DENND2B: variants seen among roughly 807,000 people sequenced by gnomAD.
The protein encoded by DENND2B is DENN domain-containing protein 2B.
DENND2B carries 32 observed loss-of-function variants against 116.0 expected under a neutral mutation model. That is an observed-to-expected ratio of 0.28 (90% CI 0.21 to 0.37). DENND2B has a LOEUF of 0.37. DENND2B is among the 10% of genes least tolerant of loss of function. DENND2B has a pLI of 1.00. For missense variants in DENND2B, 1,276 were observed against 1,477.7 expected (o/e 0.86, Z 2.24); for synonymous variants, 588 against 583.9 (o/e 1.01, Z -0.10).
intron 17 of DENND2B, 104 bp from the exon 18 acceptor site, chr11:8,696,770 G>C: frequency 6.6e-7 from 1 of 1,505,318 alleles, no homozygotes; most frequent in South Asian, 1.3e-5. Flanking sequence ...CTTCCAGCCA[G>C]TACCACTCTT....
chr11:8,854,016 ATTTTTTTTTTTTTT>A (rs71059187), intron 3 of DENND2B, among the ~76,000 whole-genome samples: 46 of 62,778 alleles, frequency 7.3e-4, no homozygotes, highest in Admixed American at 4.3e-3. Context: ...GCCCCAGTTA[ATTTTTTTTTTTTTT>A]TTTTTTTTTT....
intron 11 of DENND2B, among the ~76,000 whole-genome samples, chr11:8,708,815 G>C (rs1015108597): frequency 2.0e-5 from 3 of 152,214 alleles, no homozygotes; most frequent in Non-Finnish European, 1.5e-5. Context: ...GCCGGTCATA[G>C]TGGCATGCGC....
At chr11:8,754,620 A>G (rs1307708163) in intron 1 of DENND2B, among the ~76,000 whole-genome samples, 1 of 152,264 alleles carries the variant, frequency 6.6e-6, no homozygotes, top group Non-Finnish European at 1.5e-5. Context: ...TCACTTGTAC[A>G]TAAATGTTCA....
chr11:8,775,297 C>T (rs1276435924), intron 1 of DENND2B, among the ~76,000 whole-genome samples: 1 of 152,036 alleles, frequency 6.6e-6, no homozygotes, highest in African/African-American at 2.4e-5. Context: ...ATGTCAAATA[C>T]TTAAAAAAAC....
chr11:8,806,217 C>A (rs1444258352), intron 1 of DENND2B, among the ~76,000 whole-genome samples: 1 of 152,080 alleles, frequency 6.6e-6, no homozygotes, highest in Non-Finnish European at 1.5e-5. Context: ...CATTTTTTCC[C>A]AGTTCCAAAT....
intron 1 of DENND2B, among the ~76,000 whole-genome samples, chr11:8,761,930 C>CAG (rs1748412545): frequency 6.6e-6 from 1 of 152,152 alleles, no homozygotes; most frequent in African/African-American, 2.4e-5. Context: ...AGTGGGTACT[C>CAG]AGAGCCCAGT....
intron 2 of DENND2B, among the ~76,000 whole-genome samples, chr11:8,734,791 C>CAAAAAAA (rs11339783): frequency 2.0e-5 from 2 of 98,528 alleles, no homozygotes; most frequent in Non-Finnish European, 3.8e-5. Context: ...ACAAGAGTCT[C>CAAAAAAA]AAAAAAAAAA....
At chr11:8,826,675 CAGG>C (rs1274092585) in intron 4 of DENND2B, among the ~76,000 whole-genome samples, 3 of 152,202 alleles carry the variant, frequency 2.0e-5, no homozygotes, top group African/African-American at 4.8e-5. Flanking sequence ...CAACATCCTA[CAGG>C]AGAAGATGCC....
intron 1 of DENND2B, chr11:8,776,131 G>GAC (rs1261787583): frequency 3.5e-4 from 86 of 245,178 alleles, no homozygotes; most frequent in East Asian, 8.4e-4. Context: ...CATGCACACA[G>GAC]ACACGCACGT....
chr11:8,695,746 T>G (rs1017353678), intron 18 of DENND2B, 197 bp from the exon 19 acceptor site: 9 of 586,782 alleles, frequency 1.5e-5, no homozygotes, highest in African/African-American at 1.5e-4. Flanking sequence ...TGCCGGGGTT[T>G]GCTGCTGCCA....
chr11:8,823,287 T>C (rs558664508), intron 4 of DENND2B, among the ~76,000 whole-genome samples: 14 of 152,300 alleles, frequency 9.2e-5, no homozygotes, highest in African/African-American at 3.4e-4. Context: ...CACCGGCAGC[T>C]GGATGGACTG....
intron 1 of DENND2B, among the ~76,000 whole-genome samples, chr11:8,882,765 A>G (rs1441810198): frequency 6.6e-6 from 1 of 152,176 alleles, no homozygotes; most frequent in African/African-American, 2.4e-5. Flanking sequence ...AGGTGAGTGG[A>G]CTGCTTGAGC....
At chr11:8,745,499 CAG>C (rs1177673787) in intron 2 of DENND2B, among the ~76,000 whole-genome samples, 1 of 152,164 alleles carries the variant, frequency 6.6e-6, no homozygotes, top group East Asian at 1.9e-4. Flanking sequence ...AATCAGAGGG[CAG>C]ACTGTATTTT....
chr11:8,776,150 G>GCA (rs1176393720), intron 1 of DENND2B: 9 of 289,616 alleles, frequency 3.1e-5, no homozygotes, highest in East Asian at 1.1e-4. Flanking sequence ...GTGCGCGCAC[G>GCA]CGCGCGCGCG....
chr11:8,766,099 A>T (rs1278072006), intron 1 of DENND2B, among the ~76,000 whole-genome samples: 1 of 152,162 alleles, frequency 6.6e-6, no homozygotes, highest in Non-Finnish European at 1.5e-5. Context: ...ACTGTAAAAA[A>T]AAAAATTACT....
chr11:8,717,922 G>A (rs1045218938), intron 4 of DENND2B, 30 bp from the exon 5 acceptor site: 2 of 1,597,224 alleles, frequency 1.3e-6, no homozygotes, highest in African/African-American at 2.7e-5. Flanking sequence ...AGAGAAGGGG[G>A]AGAAGGGAAG....
At chr11:8,747,805 C>T (rs962518380) in intron 2 of DENND2B, among the ~76,000 whole-genome samples, 3 of 152,188 alleles carry the variant, frequency 2.0e-5, no homozygotes, top group Non-Finnish European at 4.4e-5. Flanking sequence ...TCCCCTCCTA[C>T]ACATTCCTGC....
chr11:8,754,447 T>C (rs1033166022), intron 1 of DENND2B, among the ~76,000 whole-genome samples: 2 of 152,140 alleles, frequency 1.3e-5, no homozygotes, highest in Non-Finnish European at 2.9e-5. Context: ...TGTAGAGAAA[T>C]TGGAACTTTC....
intron 1 of DENND2B, among the ~76,000 whole-genome samples, chr11:8,764,653 GC>G (rs2055296053): frequency 6.6e-6 from 1 of 152,192 alleles, no homozygotes; most frequent in East Asian, 1.9e-4. Context: ...CACCCCTGCA[GC>G]CCCACTCTAT....
Sources: allele counts gnomAD v4.1 joint callset (sites outside exome capture counted in the v4.1 genomes callset), GRCh38; gene constraint gnomAD v4.1.1; transcripts MANE v1.5; gene names NCBI Gene and HGNC (gene_info 2026-07-23, HGNC 2026-07-21).